The following FAM47E variants were observed in gnomAD, a reference collection of about 807,000 sequenced individuals.
FAM47E encodes protein FAM47E.
FAM47E carries 32 observed loss-of-function variants against 41.6 expected under a neutral mutation model. That is an observed-to-expected ratio of 0.77 (90% CI 0.58 to 1.03). The LOEUF (loss-of-function observed/expected upper bound fraction) is 1.03, where lower values mean the gene tolerates loss of function less well. Ranked by LOEUF, FAM47E falls within the 50% of genes least tolerant of loss-of-function variation. The pLI is 0.00. For synonymous variants in FAM47E, 184 were observed against 188.7 expected (o/e 0.98, Z 0.20); for missense variants, 424 against 485.4 (o/e 0.87, Z 1.19).
Position 76,283,365 on chromosome 4 carries a change from T to A in FAM47E, c.1105-16T>A, listed in dbSNP as rs1735440422. ...TTGTTTGCCAATCTAATGAAGGTTC[T>A]CTCATTTTTTTTTAGTTCCTTGAGA... On this transcript the variant is annotated splice_polypyrimidine_tract_variant and intron_variant, in intron 7 of 7. Coordinates refer to ENST00000424749, the MANE Select transcript of FAM47E (RefSeq NM_001136570.3). The A allele has an allele frequency of 3.4e-6, 5 of 1,491,808 alleles. No homozygotes were observed. In the Middle Eastern group the frequency reaches 5.1e-4, roughly 153 times the overall value. 92.4% of individuals were successfully genotyped at this position (1,491,808 alleles called of 1,614,324 possible).
At chr4:76,268,469 A>T (rs987878468) in intron 3 of FAM47E, 191 bp from the exon 4 acceptor site, 21 of 554,150 alleles carry the variant, frequency 3.8e-5, no homozygotes, top group Non-Finnish European at 5.6e-5. Flanking sequence ...ACTAATCATG[A>T]TATACTTGTC....
At chr4:76,268,989 C>T in intron 4 of FAM47E, 1 of 525,314 alleles carries the variant, frequency 1.9e-6, no homozygotes, top group South Asian at 3.9e-5. Flanking sequence ...GGAAAGGTTG[C>T]AAACTTGCTG....
At position 76,271,719 on chromosome 4, in the gene FAM47E, C is replaced by CA; in HGVS notation, c.822dup (p.Glu275ArgfsTer9). 10 of 1,551,682 alleles carry CA rather than the reference C, an allele frequency of 6.4e-6. No homozygotes were observed. The highest frequency in any genetic ancestry group is 8.7e-6 in the Non-Finnish European group (10 of 1,146,986). On this transcript the variant is annotated frameshift_variant, in exon 5 of 8. Coordinates refer to ENST00000424749, the MANE Select transcript of FAM47E (RefSeq NM_001136570.3). LOFTEE classifies it high-confidence loss of function. ...GTGGGGCTCAGTAAACTGCAGGAGA[C>CA]AGAGTTCTTCCAGAAACTAGGCTAT...
At chr4:76,276,516 G>A (rs1049549923) in intron 5 of FAM47E, among the ~76,000 whole-genome samples, 1 of 152,076 alleles carries the variant, frequency 6.6e-6, no homozygotes, top group Non-Finnish European at 1.5e-5. Flanking sequence ...GGGACTACAG[G>A]CATGCGCCAC....
At chr4:76,274,941 G>A (rs1735036367) in intron 5 of FAM47E, among the ~76,000 whole-genome samples, 1 of 152,158 alleles carries the variant, frequency 6.6e-6, no homozygotes, top group African/African-American at 2.4e-5. Flanking sequence ...AGTCCATTGG[G>A]CTCCTCCTGG....
chr4:76,257,570 CT>C (rs1734243016), intron 2 of FAM47E, among the ~76,000 whole-genome samples: 1 of 152,158 alleles, frequency 6.6e-6, no homozygotes, highest in Admixed American at 6.5e-5. Context: ...AACTTCACCC[CT>C]GCTCCTGCCA....
intron 2 of FAM47E, among the ~76,000 whole-genome samples, chr4:76,241,759 C>T (rs950342342): frequency 6.6e-5 from 10 of 152,196 alleles, no homozygotes; most frequent in Non-Finnish European, 1.3e-4. Flanking sequence ...AGAATCCTCT[C>T]TCTAGTTTTA....
chr4:76,253,877 C>T (rs367961840), intron 1 of FAM47E, among the ~76,000 whole-genome samples: 9 of 151,486 alleles, frequency 5.9e-5, no homozygotes, highest in East Asian at 5.8e-4. Flanking sequence ...CTTTGGGAAG[C>T]GGAGGCAGGA....
At chr4:76,216,448 C>T (rs1159173200) in intron 1 of FAM47E, among the ~76,000 whole-genome samples, 1 of 152,194 alleles carries the variant, frequency 6.6e-6, no homozygotes, top group African/African-American at 2.4e-5. Flanking sequence ...TTCTGGAGGG[C>T]AAACTCCATA....
chr4:76,261,677 G>A (rs60319873), intron 2 of FAM47E, among the ~76,000 whole-genome samples: 3,493 of 152,042 alleles, frequency 0.023, 156 homozygotes, highest in African/African-American at 0.08. Flanking sequence ...CCAAAAAGGG[G>A]GGTTAGGAGG....
At chr4:76,230,609 C>T (rs1431760780) in intron 2 of FAM47E, among the ~76,000 whole-genome samples, 1 of 152,152 alleles carries the variant, frequency 6.6e-6, no homozygotes, top group African/African-American at 2.4e-5. Context: ...CAGTTTGAAG[C>T]TTCCCTTCTC....
In FAM47E at chr4:76,268,686, C is replaced by T. The variant is rs768067119; in HGVS notation, c.587C>T (p.Ala196Val). 11 of 1,551,182 alleles carry T rather than the reference C, an allele frequency of 7.1e-6. No homozygotes were observed. The highest frequency in any genetic ancestry group is 6.0e-5 in the South Asian group (5 of 83,968). The change falls in exon 4 of 8, where the codon GCA becomes GTA. Residue 196 changes from alanine to valine, a missense_variant. Transcript: ENST00000424749. The part of the protein sequence containing the change: ...GPSKKTSVSN[A>V]GQWLYEEKPH... The stretch of plus-strand genomic sequence containing the variant: ...TCCAAGAAGACGTCTGTGTCAAACG[C>T]AGGCCAATGGCTTTATGAAGAAAAG...
chr4:76,278,183 A>G lies in FAM47E; in HGVS notation c.985A>G (p.Lys329Glu). Residue 329 changes from lysine (K) to glutamate (E), a missense_variant, in exon 6 of 8, where the codon AAG (lysine) becomes GAG (glutamate). Coordinates refer to ENST00000424749, the MANE Select transcript of FAM47E (RefSeq NM_001136570.3). ...EPLVDPEVSHKAQEENFKKEL... is the reference protein window; with the variant it reads ...EPLVDPEVSHEAQEENFKKEL... The stretch of plus-strand genomic sequence containing the variant: ...TCTGGTTGACCCTGAGGTCTCACAT[A>G]AGGCTCAAGAGGAGAATTTTAAAAA... 1 of 1,547,492 alleles carries G rather than the reference A, an allele frequency of 6.5e-7. No individual in the cohort carries two copies. The highest frequency in any genetic ancestry group is 8.7e-7 in the Non-Finnish European group (1 of 1,146,080).
At chr4:76,222,648 G>C (rs1733330000) in intron 2 of FAM47E, among the ~76,000 whole-genome samples, 1 of 152,202 alleles carries the variant, frequency 6.6e-6, no homozygotes, top group African/African-American at 2.4e-5. Flanking sequence ...CATTCTTTCA[G>C]AGTCAACAGC....
Position 76,263,730 on chromosome 4 carries a change from T to G in FAM47E, c.447T>G (p.Leu149=), listed in dbSNP as rs913378432. The change falls in exon 3 of 8, where the codon CTT becomes CTG. Residue 149 remains leucine (L), a synonymous_variant. Transcript: ENST00000424749. ...TCTTATCAAAGGTGCTGGAAGTGCT[T>G]GATCCTGACCGGAAGCTGGAGGACA... is the stretch of plus-strand genomic sequence containing the variant. ...IELLSKVLEV[L]DPDRKLEDTW... 5.2e-6 allele frequency: 8 copies of G among 1,551,630 alleles called. No homozygotes were observed. The highest frequency in any genetic ancestry group is 1.2e-5 in the South Asian group (1 of 84,044).
chr4:76,268,408 T>TA (rs1231406946), intron 3 of FAM47E: 5 of 358,430 alleles, frequency 1.4e-5, no homozygotes, highest in Non-Finnish European at 2.5e-5. Context: ...ACTCAAAATT[T>TA]AAAAAAATCA....
rs1733970108 is a variant in FAM47E at position 76,251,743 on chromosome 4, C to A, written c.-4C>A. On this transcript the variant is annotated 5_prime_UTR_variant, in exon 1 of 8. Coordinates refer to ENST00000424749, the MANE Select transcript of FAM47E (RefSeq NM_001136570.3). ...CGGACGGTGGCCGCGAAGCTAGGGC[C>A]ACCATGGCGGACCGCAGGCGGCGGC... 1.3e-6 allele frequency: 2 copies of A among 1,482,494 alleles called. No individual in the cohort carries two copies. The highest frequency in any genetic ancestry group is 2.3e-5 in the Admixed American group (1 of 44,318). The allele number at this position is 1,482,494 out of a possible 1,614,324, so 91.8% of individuals were successfully genotyped here. A position where few individuals can be genotyped will look rare whatever the true frequency, so the allele number is the denominator to read the frequency against.
At chr4:76,215,315 G>A (rs2109976242) in intron 1 of FAM47E, among the ~76,000 whole-genome samples, 1 of 152,314 alleles carries the variant, frequency 6.6e-6, no homozygotes, top group Middle Eastern at 3.4e-3. Flanking sequence ...AGCTCAACTG[G>A]TTGCTGAGTG....
intron 3 of FAM47E, among the ~76,000 whole-genome samples, chr4:76,264,622 G>A (rs577873270): frequency 6.5e-4 from 99 of 152,182 alleles, no homozygotes; most frequent in Non-Finnish European, 1.1e-3. Flanking sequence ...TTGAGACAGA[G>A]TTTTGCTCTG....
Sources: gnomAD v4.1 joint callset for allele counts (sites outside exome capture counted in the v4.1 genomes callset) on GRCh38, gnomAD v4.1.1 for gene constraint, MANE v1.5 for transcripts, NCBI Gene and HGNC (gene_info 2026-07-23, HGNC 2026-07-21) for gene names.